The following CPNE8 variants were observed in gnomAD, a reference collection of about 807,000 sequenced individuals.
CPNE8 encodes the protein copine 8.
CPNE8 carries 45 observed loss-of-function variants against 81.5 expected under a neutral mutation model. The ratio of observed to expected loss-of-function variants is 0.55; its 90% CI spans 0.44 to 0.71. The LOEUF is 0.71. Ranked by LOEUF, CPNE8 falls within the 30% of genes least tolerant of loss-of-function variation. The pLI, the probability that CPNE8 is intolerant of heterozygous loss-of-function variation, is 0.00. For synonymous variants in CPNE8, 252 were observed against 226.3 expected (o/e 1.11, Z -1.02); for missense variants, 594 against 672.1 (o/e 0.88, Z 1.28).
At chr12:38,710,268 C>CAAAAAAAAAAAAAAAAAAAAAAA (rs57376063) in intron 13 of CPNE8, among the ~76,000 whole-genome samples, 4 of 50,262 alleles carry the variant, frequency 8.0e-5, no homozygotes, top group Non-Finnish European at 1.2e-4. Context: ...AATAAGCTAA[C>CAAAAAAAAAAAAAAAAAAAAAAA]AAAAAAAAAA....
At chr12:38,808,711 A>C (rs906893822) in intron 6 of CPNE8, among the ~76,000 whole-genome samples, 1 of 151,836 alleles carries the variant, frequency 6.6e-6, no homozygotes, top group Non-Finnish European at 1.5e-5. Flanking sequence ...TATGTAACTA[A>C]CCTGCACATT....
chr12:38,800,149 C>A (rs1942623143), intron 6 of CPNE8, among the ~76,000 whole-genome samples: 2 of 121,630 alleles, frequency 1.6e-5, no homozygotes, highest in South Asian at 6.9e-4. Flanking sequence ...CTGGGTGGAG[C>A]CCACCACAAC....
intron 19 of CPNE8, among the ~76,000 whole-genome samples, chr12:38,666,214 T>C (rs536400150): frequency 1.3e-5 from 2 of 152,296 alleles, no homozygotes; most frequent in South Asian, 4.1e-4. Flanking sequence ...ACTTCAGTAA[T>C]ACAAAAAGGG....
intron 18 of CPNE8, among the ~76,000 whole-genome samples, chr12:38,672,371 A>G (rs1037971105): frequency 1.3e-5 from 2 of 152,212 alleles, no homozygotes; most frequent in African/African-American, 4.8e-5. Context: ...AACACTGTAG[A>G]CAGCAAGAAG....
intron 1 of CPNE8, among the ~76,000 whole-genome samples, chr12:38,874,945 A>G (rs1944046274): frequency 6.6e-6 from 1 of 152,178 alleles, no homozygotes; most frequent in Non-Finnish European, 1.5e-5. Flanking sequence ...TAGTCCATAT[A>G]ATTAGAATAC....
chr12:38,700,180 A>G (rs1167725106), intron 14 of CPNE8, among the ~76,000 whole-genome samples: 1 of 151,736 alleles, frequency 6.6e-6, no homozygotes, highest in Non-Finnish European at 1.5e-5. Flanking sequence ...TTCACCACTA[A>G]GTATCATGTT....
chr12:38,885,267 C>G (rs188188742), intron 1 of CPNE8, among the ~76,000 whole-genome samples: 1 of 152,094 alleles, frequency 6.6e-6, no homozygotes, highest in Non-Finnish European at 1.5e-5. Flanking sequence ...AAAGCATTCT[C>G]TAAATTAATG....
At chr12:38,883,353 T>C (rs1944190270) in intron 1 of CPNE8, among the ~76,000 whole-genome samples, 1 of 152,212 alleles carries the variant, frequency 6.6e-6, no homozygotes, top group African/African-American at 2.4e-5. Flanking sequence ...AATGTTATTA[T>C]TTAGCATCAT....
At chr12:38,749,599 G>A (rs961533206) in intron 10 of CPNE8, among the ~76,000 whole-genome samples, 5 of 152,176 alleles carry the variant, frequency 3.3e-5, no homozygotes, top group Non-Finnish European at 7.3e-5. Context: ...TACTTGTTGG[G>A]AACTGGAATA....
intron 15 of CPNE8, among the ~76,000 whole-genome samples, chr12:38,692,248 T>C (rs1410914356): frequency 6.6e-6 from 1 of 151,694 alleles, no homozygotes; most frequent in Non-Finnish European, 1.5e-5. Context: ...GAGATCTCAC[T>C]ACTGCACTCC....
At chr12:38,691,648 C>T (rs2136669765) in intron 15 of CPNE8, among the ~76,000 whole-genome samples, 1 of 152,172 alleles carries the variant, frequency 6.6e-6, no homozygotes, top group Admixed American at 6.5e-5. Flanking sequence ...GAGGTCTGAT[C>T]TCTCTGTCTT....
intron 6 of CPNE8, among the ~76,000 whole-genome samples, chr12:38,818,375 A>G (rs777952234): frequency 3.9e-5 from 6 of 152,136 alleles, no homozygotes; most frequent in Non-Finnish European, 7.3e-5. Context: ...TATGAATGAG[A>G]ACATGTAGTG....
intron 1 of CPNE8, among the ~76,000 whole-genome samples, chr12:38,890,275 A>G (rs11169908): frequency 0.22 from 33,979 of 152,114 alleles, 4,835 homozygotes; most frequent in Non-Finnish European, 0.31. Flanking sequence ...AAATATAATC[A>G]ACTGAGCACT....
At chr12:38,785,872 G>T (rs1206136872) in intron 6 of CPNE8, among the ~76,000 whole-genome samples, 1 of 152,014 alleles carries the variant, frequency 6.6e-6, no homozygotes. Context: ...GATAATATCT[G>T]CAAGCCTCTT....
intron 10 of CPNE8, among the ~76,000 whole-genome samples, chr12:38,751,701 A>AAT (rs1555153059): frequency 2.4e-4 from 37 of 152,188 alleles, no homozygotes; most frequent in Middle Eastern, 3.4e-3. Context: ...GAGATAAAAA[A>AAT]ATATATATAT....
chr12:38,807,396 A>C (rs1295292971), intron 6 of CPNE8, among the ~76,000 whole-genome samples: 1 of 151,562 alleles, frequency 6.6e-6, no homozygotes, highest in Non-Finnish European at 1.5e-5. Context: ...ACTAGTACCA[A>C]AACAGAGATA....
chr12:38,858,588 G>C (rs1268603048), intron 3 of CPNE8, among the ~76,000 whole-genome samples: 1 of 152,136 alleles, frequency 6.6e-6, no homozygotes, highest in East Asian at 1.9e-4. Context: ...TGTTGTCATG[G>C]AAAGGGGCAA....
chr12:38,884,471 C>T (rs1487221031), intron 1 of CPNE8, among the ~76,000 whole-genome samples: 2 of 152,066 alleles, frequency 1.3e-5, no homozygotes, highest in African/African-American at 4.8e-5. Context: ...TATTTTTTGG[C>T]TATTATGAAT....
chr12:38,756,385 ACT>A (rs1941460617), intron 10 of CPNE8, among the ~76,000 whole-genome samples: 3 of 142,810 alleles, frequency 2.1e-5, no homozygotes, highest in Admixed American at 7.3e-5. Flanking sequence ...CAGGGGTCTC[ACT>A]CTGTCACTCA....
Sources: allele counts gnomAD v4.1 joint callset (sites outside exome capture counted in the v4.1 genomes callset), GRCh38; gene constraint gnomAD v4.1.1; transcripts MANE v1.5; gene names NCBI Gene and HGNC (gene_info 2026-07-23, HGNC 2026-07-21).